Variants in RAB28 observed in about 807,000 individuals in gnomAD.
The protein encoded by RAB28 is RAB28, member RAS oncogene family.
RAB28 carries 24 observed loss-of-function variants against 31.7 expected under a neutral mutation model. That is an observed-to-expected ratio of 0.76 (90% CI 0.55 to 1.06). The LOEUF is 1.06. Ranked by LOEUF, RAB28 falls within the 50% of genes least tolerant of loss-of-function variation. The probability of loss-of-function intolerance (pLI) is 0.00; values close to 1 mark genes in which losing one functional copy is unlikely to be tolerated. For missense variants in RAB28, 254 were observed against 258.5 expected, an observed-to-expected ratio of 0.98 and a Z score of 0.12; for synonymous variants, 100 against 90.4, an observed-to-expected ratio of 1.11 and a Z score of -0.60.
intron 4 of RAB28, among the ~76,000 whole-genome samples, chr4:13,400,279 C>T (rs913324175): frequency 1.3e-5 from 2 of 152,142 alleles, no homozygotes; most frequent in African/African-American, 4.8e-5. Context: ...ATGGCAAATG[C>T]TTCTCAGAAG....
chr4:13,481,617 G>GA (rs200244632), intron 1 of RAB28, among the ~76,000 whole-genome samples: 71 of 147,802 alleles, frequency 4.8e-4, no homozygotes, highest in Admixed American at 9.4e-4. Flanking sequence ...TGAAAAGACA[G>GA]AAAAAAAAAG....
chr4:13,471,322 T>C (rs1474514407), intron 3 of RAB28, among the ~76,000 whole-genome samples: 2 of 152,112 alleles, frequency 1.3e-5, no homozygotes, highest in African/African-American at 4.8e-5. Context: ...GCACTGGTTT[T>C]GAAAAGTAAC....
At chr4:13,382,529 T>TGAAGG (rs1729174221) in intron 4 of RAB28, among the ~76,000 whole-genome samples, 1 of 151,926 alleles carries the variant, frequency 6.6e-6, no homozygotes, top group Non-Finnish European at 1.5e-5. Flanking sequence ...TGCCAATTGA[T>TGAAGG]TATCAACTAA....
chr4:13,419,911 C>A (rs1560285618), intron 4 of RAB28, among the ~76,000 whole-genome samples: 1 of 151,290 alleles, frequency 6.6e-6, no homozygotes, highest in East Asian at 1.9e-4. Context: ...CAGAGCAGAA[C>A]TGAAGGAAAT....
At chr4:13,425,802 G>GT (rs1388974368) in intron 4 of RAB28, among the ~76,000 whole-genome samples, 8 of 152,066 alleles carry the variant, frequency 5.3e-5, no homozygotes, top group African/African-American at 1.7e-4. Flanking sequence ...TGGTTTGGCT[G>GT]TAACACATGT....
chr4:13,408,256 T>A (rs1023180492), intron 4 of RAB28, among the ~76,000 whole-genome samples: 3 of 152,328 alleles, frequency 2.0e-5, no homozygotes, highest in African/African-American at 7.2e-5. Flanking sequence ...CTTTTCTGCA[T>A]CTATTGAGAT....
chr4:13,474,190 T>C, intron 3 of RAB28, 128 bp downstream of exon 3: 1 of 780,104 alleles, frequency 1.3e-6, no homozygotes, highest in Admixed American at 1.7e-5. Context: ...AATATAAAAT[T>C]ATTCTCTCTA....
intron 4 of RAB28, among the ~76,000 whole-genome samples, chr4:13,456,810 C>G (rs1481128129): frequency 6.6e-6 from 1 of 152,172 alleles, no homozygotes; most frequent in East Asian, 1.9e-4. Context: ...ATCTCTTCCT[C>G]TATTTGCCAT....
At chr4:13,427,702 A>G (rs888308836) in intron 4 of RAB28, among the ~76,000 whole-genome samples, 4 of 152,220 alleles carry the variant, frequency 2.6e-5, no homozygotes, top group African/African-American at 9.6e-5. Flanking sequence ...AGAACCAGGA[A>G]GCTGCAATCA....
At chr4:13,417,662 T>A (rs1416505568) in intron 4 of RAB28, among the ~76,000 whole-genome samples, 1 of 152,118 alleles carries the variant, frequency 6.6e-6, no homozygotes, top group African/African-American at 2.4e-5. Context: ...GGGACTGGAC[T>A]CTTAGAAGGA....
At chr4:13,433,995 A>T (rs1265409014) in intron 4 of RAB28, among the ~76,000 whole-genome samples, 1 of 152,164 alleles carries the variant, frequency 6.6e-6, no homozygotes, top group East Asian at 1.9e-4. Flanking sequence ...AAAAGAACTA[A>T]ATCATGTCCT....
In RAB28 at chr4:13,479,431, T is replaced by G. The variant is rs760134140; in HGVS notation, c.171A>C (p.Pro57=). ...LDFFLRRITL[P]GNLNVTLQIW... The stretch of plus-strand genomic sequence containing the variant: ...CGTTAAGACTTTTTAGTCTCTTACC[T>G]GGCAATGTTATCCTTCTCAAAAAGA... Residue 57 remains proline, a splice_region_variant and synonymous_variant, in exon 2 of 7, where the codon CCA becomes CCC. Transcript: ENST00000330852. The G allele has an allele frequency of 3.0e-5, 47 of 1,585,812 alleles. No homozygotes were observed. Among genetic ancestry groups the G allele is most frequent in the Middle Eastern group, 3.3e-4 (2 of 6,022 alleles).
intron 4 of RAB28, among the ~76,000 whole-genome samples, chr4:13,429,279 G>A (rs997747799): frequency 6.6e-6 from 1 of 152,020 alleles, no homozygotes; most frequent in East Asian, 1.9e-4. Flanking sequence ...AGCTCTAGCT[G>A]GGGCAATTAA....
intron 3 of RAB28, among the ~76,000 whole-genome samples, chr4:13,462,892 G>A (rs965539875): frequency 6.6e-6 from 1 of 152,108 alleles, no homozygotes; most frequent in Non-Finnish European, 1.5e-5. Flanking sequence ...TCAAGCTACT[G>A]GCCCCACCTC....
rs116326784 is a variant in RAB28, at chr4:13,385,723, A to G, written c.392-4129T>C. Among the ~76,000 whole-genome samples the G allele has an allele frequency of 4.6e-3, 696 of 152,298 alleles. 6 individuals carry two copies. The highest frequency in any genetic ancestry group is 0.016 in the African/African-American group (663 of 41,560). ...AAGACCACTATCAACCACTACAAAA[A>G]CACACTTAAGTACACGGACCACTGA... On this transcript the variant is annotated intron_variant, in intron 4 of 6. Coordinates refer to ENST00000330852, the MANE Select transcript of RAB28 (RefSeq NM_001017979.3).
chr4:13,474,724 G>A (rs1203727687), intron 2 of RAB28, among the ~76,000 whole-genome samples: 2 of 151,560 alleles, frequency 1.3e-5, no homozygotes, highest in African/African-American at 4.8e-5. Flanking sequence ...AGAACAGAAT[G>A]AAGCACATGT....
intron 6 of RAB28, among the ~76,000 whole-genome samples, chr4:13,369,378 GA>G: frequency 6.6e-6 from 1 of 151,902 alleles, no homozygotes; most frequent in Non-Finnish European, 1.5e-5. Flanking sequence ...ACACTTCAAG[GA>G]ACATCTAAAA....
chr4:13,382,306 AAC>A (rs1246850629), intron 4 of RAB28, among the ~76,000 whole-genome samples: 1 of 152,180 alleles, frequency 6.6e-6, no homozygotes, highest in Non-Finnish European at 1.5e-5. Flanking sequence ...TCCTTTATTT[AAC>A]AGTTTCTCTT....
chr4:13,478,498 G>C (rs1043156054), intron 2 of RAB28, among the ~76,000 whole-genome samples: 2 of 151,334 alleles, frequency 1.3e-5, no homozygotes, highest in African/African-American at 4.9e-5. Flanking sequence ...TTGTCTGATA[G>C]ATGGGGTGTC....
Sources: gnomAD v4.1 joint callset for allele counts (sites outside exome capture counted in the v4.1 genomes callset) on GRCh38, gnomAD v4.1.1 for gene constraint, MANE v1.5 for transcripts, NCBI Gene and HGNC (gene_info 2026-07-23, HGNC 2026-07-21) for gene names.